Variants in MYLK observed in about 807,000 individuals in gnomAD.
The protein encoded by MYLK is myosin light chain kinase, also known as myosin light chain kinase, smooth muscle.
MYLK carries 106 observed loss-of-function variants against 203.4 expected under a neutral mutation model. That is an observed-to-expected ratio of 0.52 (90% CI 0.45 to 0.61). The LOEUF (loss-of-function observed/expected upper bound fraction) is 0.61, where lower values mean the gene tolerates loss of function less well. MYLK is among the 20% of genes least tolerant of loss of function. The pLI is 0.00. For missense variants in MYLK, 2,072 were observed against 2,442.3 expected, an observed-to-expected ratio of 0.85 and a Z score of 3.20; for synonymous variants, 867 against 959.5, an observed-to-expected ratio of 0.90 and a Z score of 1.78.
intron 3 of MYLK, among the ~76,000 whole-genome samples, chr3:123,796,901 C>T (rs1409790201): frequency 6.6e-6 from 1 of 152,110 alleles, no homozygotes; most frequent in South Asian, 2.1e-4. Flanking sequence ...TCCCAATAAT[C>T]CTACATTTAG....
rs2108108616 is a variant in MYLK, at chr3:123,640,198, T to C, written c.4837+89A>G. 1 of 1,252,878 alleles carries C rather than the reference T, an allele frequency of 8.0e-7. No homozygotes were observed. Among genetic ancestry groups the C allele is most frequent in the East Asian group, 2.3e-5 (1 of 43,140 alleles). 77.6% of individuals were successfully genotyped at this position (1,252,878 alleles called of 1,614,324 possible). A position where few individuals can be genotyped will look rare whatever the true frequency, so the allele number is the denominator to read the frequency against. Reference sequence around the variant, plus strand: ...TTCATGGTCTCGGATTTAACCCCAATACTGTATGTTTCCTCTCACACTCAG... The same window carrying C: ...TTCATGGTCTCGGATTTAACCCCAACACTGTATGTTTCCTCTCACACTCAG... On this transcript the variant is annotated intron_variant, in intron 28 of 33. Coordinates refer to ENST00000360304, the MANE Select transcript of MYLK (RefSeq NM_053025.4). The surrounding 1 kb of genome is among the most constrained non-coding windows in gnomAD (Gnocchi z 4.3).
chr3:123,634,235 G>T (rs2058551403), intron 29 of MYLK, among the ~76,000 whole-genome samples: 1 of 152,224 alleles, frequency 6.6e-6, no homozygotes, highest in South Asian at 2.1e-4. Flanking sequence ...AGTTGAAGGT[G>T]GTGGCCGGGC....
At chr3:123,680,718 A>T (rs1388348638) in intron 20 of MYLK, among the ~76,000 whole-genome samples, 3 of 152,256 alleles carry the variant, frequency 2.0e-5, no homozygotes, top group Admixed American at 1.3e-4. Flanking sequence ...AGGTAAGAAT[A>T]AAATAAAGTC....
chr3:123,666,780 T>C (rs72626346), intron 21 of MYLK: 20,160 of 526,418 alleles, frequency 0.038, 2,002 homozygotes, highest in East Asian at 0.33. Flanking sequence ...CACACAGAGC[T>C]GGGCACAAAA....
intron 4 of MYLK, among the ~76,000 whole-genome samples, chr3:123,785,360 C>A (rs1687961710): frequency 6.6e-6 from 1 of 152,214 alleles, no homozygotes; most frequent in Admixed American, 6.5e-5. Context: ...ACTTGCCCTG[C>A]CACTTCTCAT....
At chr3:123,618,248 T>C (rs2057628428) in intron 33 of MYLK, 1 of 288,676 alleles carries the variant, frequency 3.5e-6, no homozygotes, top group South Asian at 3.4e-5. Context: ...CCACATCCTA[T>C]GCCTTTGTGC....
chr3:123,620,506 CTCAGCACTG>C, intron 31 of MYLK, 170 bp from the exon 32 acceptor site: 1 of 1,505,440 alleles, frequency 6.6e-7, no homozygotes, highest in Non-Finnish European at 8.9e-7. Flanking sequence ...CCTTGCTCTG[CTCAGCACTG>C]TCAGTGTGTC....
Position 123,640,393 on chromosome 3 carries a change from G to A in MYLK, c.4731C>T (p.His1577=), listed in dbSNP as rs1399378417. 2 of 1,613,760 alleles carry A rather than the reference G, an allele frequency of 1.2e-6. No individual in the cohort carries two copies. Among genetic ancestry groups the A allele is most frequent in the Non-Finnish European group, 1.7e-6 (2 of 1,179,994 alleles). Residue 1577 remains histidine (H), a synonymous_variant, in exon 28 of 34, where the codon CAC becomes CAT. Transcript: ENST00000360304. This position sits in a 1 kb window ranked among gnomAD's most constrained non-coding sequence, Gnocchi z 4.3. ...GGTCCAGGTGCACGATGCCCTGCTT[G>A]TGGATGTACTCCACTCCCTCCGAGA... ...RQISEGVEYI[H]KQGIVHLDLK... is the part of the protein sequence containing the mutation.
At chr3:123,739,823 A>T in intron 6 of MYLK, 130 bp downstream of exon 6, 1 of 1,018,982 alleles carries the variant, frequency 9.8e-7, no homozygotes, top group Non-Finnish European at 1.5e-6. Flanking sequence ...GACACATCTC[A>T]TTGTACTAGG....
chr3:123,709,457 C>T, intron 14 of MYLK: 1 of 391,206 alleles, frequency 2.6e-6, no homozygotes, highest in Non-Finnish European at 4.9e-6. Flanking sequence ...TGGTTTTGTA[C>T]CAGTCTTCAA....
chr3:123,667,705 C>A (rs2059787051), intron 20 of MYLK, among the ~76,000 whole-genome samples: 1 of 152,120 alleles, frequency 6.6e-6, no homozygotes, highest in Admixed American at 6.5e-5. Context: ...AATATCAGTT[C>A]TCAGGGACCT....
Position 123,812,840 on chromosome 3 carries a change from G to C in MYLK, c.-4+18708C>G, listed in dbSNP as rs189922860. Among the ~76,000 whole-genome samples, 186 of 152,310 alleles carry C rather than the reference G, an allele frequency of 1.2e-3. 2 individuals carry two copies. Among genetic ancestry groups the C allele is most frequent in the Non-Finnish European group, 3.2e-4 (22 of 68,026 alleles). On this transcript the variant is annotated intron_variant, in intron 3 of 33. Coordinates refer to ENST00000360304, the MANE Select transcript of MYLK (RefSeq NM_053025.4). Reference sequence around the variant, plus strand: ...GAAGGTCTTTACCTCCTGTTTCGCAGTGCTCCCAAGATGTCCAGCCAGGCA... The same window carrying C: ...GAAGGTCTTTACCTCCTGTTTCGCACTGCTCCCAAGATGTCCAGCCAGGCA...
chr3:123,884,015 G>A (rs2033699800), intron 1 of MYLK, among the ~76,000 whole-genome samples, 191 bp downstream of exon 1: 1 of 152,204 alleles, frequency 6.6e-6, no homozygotes, highest in South Asian at 2.1e-4. Flanking sequence ...AAGAAAACTC[G>A]TGCAGCCTGG....
chr3:123,884,100 G>A (rs1438102197), intron 1 of MYLK, 106 bp downstream of exon 1: 1 of 151,984 alleles, frequency 6.6e-6, no homozygotes, highest in East Asian at 1.9e-4. Flanking sequence ...GGGGAGTCGG[G>A]AGGCACAGAC....
intron 8 of MYLK, among the ~76,000 whole-genome samples, chr3:123,736,097 T>A (rs1160476504): frequency 6.6e-6 from 1 of 152,198 alleles, no homozygotes; most frequent in Admixed American, 6.5e-5. Context: ...TGGTGGCATC[T>A]CCTTATTCAG....
intron 3 of MYLK, among the ~76,000 whole-genome samples, chr3:123,805,212 C>T (rs1408506359): frequency 2.0e-5 from 3 of 152,192 alleles, no homozygotes; most frequent in African/African-American, 7.2e-5. Context: ...CATGAGCCAA[C>T]CTGGTTTATC....
rs552998417 is a variant in MYLK at position 123,725,965 on chromosome 3, G to A, written c.1630C>T (p.Arg544Trp). 9.3e-5 allele frequency: 150 copies of A among 1,614,058 alleles called. 1 individual carries two copies. In the South Asian group the frequency reaches 1.4e-3, roughly 16 times the overall value. ...TCACCATTCAGCAGCCAAGTGATCC[G>A]GGGCACTGGGGTCCCCCGTACGGAG... ...QCSVRGTPVP[R>W]ITWLLNGQPI... Residue 544 changes from arginine to tryptophan, a missense_variant, in exon 12 of 34, where the codon CGG becomes TGG. By Grantham distance (101) the Arg-to-Trp change is moderately radical. Transcript: ENST00000360304.
At chr3:123,807,998 G>A (rs2065429356) in intron 3 of MYLK, among the ~76,000 whole-genome samples, 1 of 152,210 alleles carries the variant, frequency 6.6e-6, no homozygotes, top group African/African-American at 2.4e-5. Flanking sequence ...CTCCAGCTGT[G>A]GATGAGAAAC....
chr3:123,658,094 C>T (rs1391324655), intron 23 of MYLK, among the ~76,000 whole-genome samples: 2 of 152,236 alleles, frequency 1.3e-5, no homozygotes, highest in Non-Finnish European at 2.9e-5. Context: ...AGAAGAGTGG[C>T]TGGCTTGACT....
Sources: allele counts gnomAD v4.1 joint callset (sites outside exome capture counted in the v4.1 genomes callset), GRCh38; gene constraint gnomAD v4.1.1; non-coding constraint Gnocchi (gnomAD v3.1); transcripts MANE v1.5; gene names NCBI Gene and HGNC (gene_info 2026-07-23, HGNC 2026-07-21).